The following SPATA6 variants were observed in gnomAD, a reference collection of about 807,000 sequenced individuals.
SPATA6 encodes spermatogenesis-associated protein 6.
Under a neutral mutation model 65.3 loss-of-function variants are expected in SPATA6, and 56 were observed. That is an observed-to-expected ratio of 0.86 (90% CI 0.69 to 1.07). The LOEUF (loss-of-function observed/expected upper bound fraction) is 1.07. Among genes scored for constraint, SPATA6 ranks in the 50% least tolerant of loss-of-function variants. SPATA6 has a pLI of 0.00. For synonymous variants in SPATA6, 199 were observed against 213.2 expected, an observed-to-expected ratio of 0.93 and a Z score of 0.58; for missense variants, 590 against 594.8, an observed-to-expected ratio of 0.99 and a Z score of 0.08.
chr1:48,368,211 C>T (rs568146913), intron 9 of SPATA6, among the ~76,000 whole-genome samples: 3 of 152,206 alleles, frequency 2.0e-5, no homozygotes, highest in African/African-American at 7.2e-5. Flanking sequence ...CGACCTTTCT[C>T]TCTGGGTGCC....
At chr1:48,421,759 T>G (rs1653362152) in intron 3 of SPATA6, among the ~76,000 whole-genome samples, 1 of 152,024 alleles carries the variant, frequency 6.6e-6, no homozygotes, top group Non-Finnish European at 1.5e-5. Context: ...AAAACAAATA[T>G]AGTCAGAAAT....
intron 1 of SPATA6, among the ~76,000 whole-genome samples, chr1:48,459,204 CAAAAAA>C (rs35079974): frequency 4.5e-5 from 3 of 66,404 alleles, no homozygotes; most frequent in African/African-American, 1.1e-4. Flanking sequence ...GACTCCATAT[CAAAAAA>C]AAAAAAAAAA....
Position 48,371,515 on chromosome 1 carries a change from A to C in SPATA6, c.910-11745T>G, listed in dbSNP as rs1359556813. Among the ~76,000 whole-genome samples the C allele has an allele frequency of 8.5e-5, 13 of 152,334 alleles. No individual in the cohort carries two copies. In the South Asian group the frequency reaches 2.7e-3, roughly 32 times the overall value. On this transcript the variant is annotated intron_variant, in intron 9 of 12. Transcript: ENST00000371847. ...GCATGTTAGGCAATACTGCAGTAGC[A>C]AATTAAGTTTGAAATCAGTGGCTGG...
At chr1:48,434,847 T>C (rs1181263409) in intron 3 of SPATA6, among the ~76,000 whole-genome samples, 1 of 152,144 alleles carries the variant, frequency 6.6e-6, no homozygotes. Context: ...ACATTAGGCA[T>C]AACTTATTTT....
chr1:48,298,940 T>C, intron 12 of SPATA6, 47 bp from the exon 13 acceptor site: 1 of 1,562,658 alleles, frequency 6.4e-7, no homozygotes, highest in Non-Finnish European at 8.7e-7. Context: ...GAAACAAAAT[T>C]AGAGATAGTA....
At chr1:48,312,107 C>A (rs894994815) in intron 11 of SPATA6, among the ~76,000 whole-genome samples, 1 of 152,192 alleles carries the variant, frequency 6.6e-6, no homozygotes, top group African/African-American at 2.4e-5. Context: ...CTCAAGGAGG[C>A]CTGCCTCCCA....
intron 11 of SPATA6, among the ~76,000 whole-genome samples, chr1:48,347,937 C>T (rs1646415489): frequency 6.6e-6 from 1 of 151,918 alleles, no homozygotes; most frequent in Admixed American, 6.6e-5. Flanking sequence ...TAATAAATTG[C>T]CTCAGTTTTC....
chr1:48,395,200 G>T, intron 8 of SPATA6, 67 bp downstream of exon 8: 1 of 1,241,448 alleles, frequency 8.1e-7, no homozygotes, highest in Non-Finnish European at 1.1e-6. Flanking sequence ...GTTAATTGAT[G>T]CCAAATTAAA....
chr1:48,360,740 G>A (rs1429220061), intron 9 of SPATA6, among the ~76,000 whole-genome samples: 1 of 152,164 alleles, frequency 6.6e-6, no homozygotes, highest in African/African-American at 2.4e-5. Flanking sequence ...GGGGCCAAGG[G>A]CCCTGGGAGG....
chr1:48,281,732 T>A, the SPATA6 span, among the ~76,000 whole-genome samples: 1 of 151,824 alleles, frequency 6.6e-6, no homozygotes, highest in Non-Finnish European at 1.5e-5. Context: ...GTAGGAAGAA[T>A]CAATATCGTG....
Position 48,359,586 on chromosome 1 carries a change from C to T in SPATA6, c.1094G>A (p.Arg365Lys). 1 of 1,612,330 alleles carries T rather than the reference C, an allele frequency of 6.2e-7. No homozygotes were observed. The highest frequency in any genetic ancestry group is 8.5e-7 in the Non-Finnish European group (1 of 1,178,882). ...AGAAATGAAGACCGCACATAATTAC[C>T]TTTCCCTGAGAGAAGCTCTATTTAA... is the stretch of plus-strand genomic sequence containing the variant. ...PVLNRASLRE[R>K]FHSDWCSPSN... The change falls in exon 10 of 13, where the codon AGA becomes AAA. Residue 365 changes from arginine to lysine, a missense_variant and splice_region_variant. Physicochemically the swap from Arg to Lys is conservative, Grantham distance 26. Coordinates refer to ENST00000371847, the MANE Select transcript of SPATA6 (RefSeq NM_019073.4).
intron 9 of SPATA6, among the ~76,000 whole-genome samples, chr1:48,384,239 G>A (rs1033852096): frequency 7.0e-6 from 1 of 143,364 alleles, no homozygotes; most frequent in African/African-American, 2.6e-5. Flanking sequence ...GGCAGGCTGA[G>A]GCAGGAGAAT....
intron 9 of SPATA6, among the ~76,000 whole-genome samples, chr1:48,371,121 C>G: frequency 6.6e-6 from 1 of 152,048 alleles, no homozygotes; most frequent in East Asian, 1.9e-4. Context: ...TAGAAGAACA[C>G]AACATGACAA....
At chr1:48,294,931 C>T (rs977527671), downstream of SPATA6, among the ~76,000 whole-genome samples, 3 of 152,202 alleles carry the variant, frequency 2.0e-5, no homozygotes, top group Non-Finnish European at 4.4e-5. Flanking sequence ...GCTAGAAGGC[C>T]TTTATCCCCA....
At chr1:48,277,941 C>T in the SPATA6 span, among the ~76,000 whole-genome samples, 5 of 152,170 alleles carry the variant, frequency 3.3e-5, no homozygotes, top group Non-Finnish European at 7.3e-5. Flanking sequence ...TCAGTAGGGG[C>T]GGACTGACAC....
chr1:48,385,254 C>T, intron 9 of SPATA6, 55 bp downstream of exon 9: 1 of 1,473,562 alleles, frequency 6.8e-7, no homozygotes, highest in Non-Finnish European at 9.2e-7. Context: ...GAAATAGACT[C>T]ATGTTGTTGT....
At chr1:48,413,024 ATATAG>A in intron 4 of SPATA6, 81 bp downstream of exon 4, 1 of 400,024 alleles carries the variant, frequency 2.5e-6, no homozygotes, top group Non-Finnish European at 3.9e-6. Context: ...TTATCAAATA[ATATAG>A]TATAATCAAT....
intron 12 of SPATA6, among the ~76,000 whole-genome samples, chr1:48,302,389 C>A (rs1644960702): frequency 6.6e-6 from 1 of 152,132 alleles, no homozygotes; most frequent in Admixed American, 6.6e-5. Flanking sequence ...ACCTTCCCAC[C>A]TTTTAGAATC....
chr1:48,439,256 G>A (rs555254338), intron 3 of SPATA6, among the ~76,000 whole-genome samples: 2 of 152,298 alleles, frequency 1.3e-5, no homozygotes, highest in East Asian at 1.9e-4. Context: ...TCAAGAATGC[G>A]TCGGTAAGGG....
Sources: gnomAD v4.1 joint callset for allele counts (sites outside exome capture counted in the v4.1 genomes callset) on GRCh38, gnomAD v4.1.1 for gene constraint, MANE v1.5 for transcripts, NCBI Gene and HGNC (gene_info 2026-07-23, HGNC 2026-07-21) for gene names.